Variants in SESN1 observed in about 807,000 individuals in gnomAD.
SESN1 encodes sestrin-1.
Under a neutral mutation model 59.3 loss-of-function variants are expected in SESN1, and 30 were observed. That is an observed-to-expected ratio of 0.51 (90% CI 0.38 to 0.69). SESN1 has a LOEUF of 0.69. Among genes scored for constraint, SESN1 ranks in the 30% least tolerant of loss-of-function variants. The pLI is 0.00. For synonymous variants in SESN1, 197 were observed against 219.9 expected (o/e 0.90, Z 0.92); for missense variants, 566 against 673.0 (o/e 0.84, Z 1.76).
intron 1 of SESN1, among the ~76,000 whole-genome samples, chr6:109,005,409 A>G (rs1274191867): frequency 1.3e-5 from 2 of 152,232 alleles, no homozygotes; most frequent in Non-Finnish European, 2.9e-5. Context: ...TCTTACAAAT[A>G]CATTAGCATC....
At chr6:109,052,026 GGCTTATTA>G (rs1780550088) in intron 1 of SESN1, among the ~76,000 whole-genome samples, 1 of 152,092 alleles carries the variant, frequency 6.6e-6, no homozygotes, top group South Asian at 2.1e-4. Flanking sequence ...AGACAACAAT[GGCTTATTA>G]GCTTGGTGCA....
chr6:109,046,857 G>C (rs1166726150), intron 1 of SESN1, among the ~76,000 whole-genome samples: 2 of 130,224 alleles, frequency 1.5e-5, no homozygotes, highest in African/African-American at 2.8e-5. Flanking sequence ...CAACCACCCC[G>C]TATGAGAAGT....
intron 1 of SESN1, among the ~76,000 whole-genome samples, chr6:109,003,444 A>C (rs964689286): frequency 6.6e-6 from 1 of 152,168 alleles, no homozygotes; most frequent in Non-Finnish European, 1.5e-5. Context: ...AGCAAATGAA[A>C]GTCTTTAAAG....
intron 5 of SESN1, among the ~76,000 whole-genome samples, chr6:108,997,647 C>G (rs889144452): frequency 9.2e-5 from 14 of 152,154 alleles, no homozygotes; most frequent in African/African-American, 3.1e-4. Context: ...TACAAAAGAA[C>G]TGAGATTCAG....
chr6:109,036,995 G>A (rs114837198), intron 1 of SESN1, among the ~76,000 whole-genome samples: 1 of 152,252 alleles, frequency 6.6e-6, no homozygotes, highest in African/African-American at 2.4e-5. Context: ...GAAACTTACC[G>A]ATCAAGGTCC....
chr6:109,025,369 C>T (rs1427370332), intron 1 of SESN1, among the ~76,000 whole-genome samples: 2 of 151,244 alleles, frequency 1.3e-5, no homozygotes, highest in East Asian at 3.9e-4. Context: ...CCCCAGGTTC[C>T]AGTTAGAAAT....
intron 1 of SESN1, 28 bp downstream of exon 1, chr6:109,093,767 T>C (rs775354080): frequency 5.0e-6 from 8 of 1,601,598 alleles, no homozygotes; most frequent in Middle Eastern, 1.7e-4. Context: ...AGTAGAGACA[T>C]AGTTGTATTT....
chr6:108,996,090 T>C (rs965266513), intron 5 of SESN1, among the ~76,000 whole-genome samples: 3 of 152,202 alleles, frequency 2.0e-5, no homozygotes, highest in African/African-American at 2.4e-5. Context: ...CAAACCTTCA[T>C]AAAGGTAGGA....
intron 1 of SESN1, among the ~76,000 whole-genome samples, chr6:109,046,754 G>T (rs1780448098): frequency 7.3e-6 from 1 of 137,248 alleles, no homozygotes; most frequent in African/African-American, 2.7e-5. Flanking sequence ...GGGTTGTGAG[G>T]AGTGCCTCTG....
intron 1 of SESN1, among the ~76,000 whole-genome samples, chr6:109,023,772 T>C (rs76201299): frequency 6.6e-6 from 1 of 152,138 alleles, no homozygotes; most frequent in Non-Finnish European, 1.5e-5. Context: ...CCATTTGGCA[T>C]AAACAAAATG....
chr6:109,079,045 T>G (rs753334280), intron 1 of SESN1, among the ~76,000 whole-genome samples: 1 of 152,048 alleles, frequency 6.6e-6, no homozygotes, highest in African/African-American at 2.4e-5. Context: ...TAGACTGGAA[T>G]TGGATATTTC....
chr6:108,987,577 A>G lies in SESN1; in HGVS notation c.1623T>C (p.Tyr541=), dbSNP rs369898423. The G allele has an allele frequency of 1.2e-5, 19 of 1,606,356 alleles. No individual in the cohort carries two copies. The highest frequency in any genetic ancestry group is 1.5e-5 in the Non-Finnish European group (18 of 1,173,610). Residue 541 remains tyrosine (Y), a synonymous_variant, in exon 10 of 10, where the codon TAT becomes TAC. Coordinates refer to ENST00000436639, the MANE Select transcript of SESN1 (RefSeq NM_014454.3). Reference sequence around the variant, plus strand: ...TATAGCGGGTAATGGCTCTCAGAGCATAAAGGAGTTCTGCTTGCATCCTAG... The same window carrying G: ...TATAGCGGGTAATGGCTCTCAGAGCGTAAAGGAGTTCTGCTTGCATCCTAG... The part of the protein sequence containing the change: ...IEARMQAELL[Y]ALRAITRYMT
At chr6:109,034,525 T>C (rs1190676277) in intron 1 of SESN1, among the ~76,000 whole-genome samples, 1 of 152,196 alleles carries the variant, frequency 6.6e-6, no homozygotes, top group Non-Finnish European at 1.5e-5. Context: ...GTAGTTTCCC[T>C]AGCATCTATT....
intron 1 of SESN1, among the ~76,000 whole-genome samples, chr6:109,025,579 T>C (rs1448058455): frequency 6.7e-6 from 1 of 150,066 alleles, no homozygotes; most frequent in Non-Finnish European, 1.5e-5. Flanking sequence ...CAGTTCAATA[T>C]GCTTTTTAAA....
At chr6:109,008,187 G>C (rs536046518) in intron 1 of SESN1, among the ~76,000 whole-genome samples, 38 of 152,238 alleles carry the variant, frequency 2.5e-4, no homozygotes, top group African/African-American at 9.1e-4. Flanking sequence ...ATCTGAGCAA[G>C]AACCAGGACT....
chr6:109,037,384 C>G (rs1780266101), intron 1 of SESN1, among the ~76,000 whole-genome samples: 1 of 152,168 alleles, frequency 6.6e-6, no homozygotes, highest in Non-Finnish European at 1.5e-5. Context: ...AACCATAACA[C>G]TCCACTAATT....
chr6:109,000,671 A>G lies in SESN1; in HGVS notation c.549T>C (p.Ala183=). The G allele has an allele frequency of 6.4e-7, 1 of 1,569,188 alleles. No homozygotes were observed. Among genetic ancestry groups the G allele is most frequent in the Non-Finnish European group, 8.6e-7 (1 of 1,157,998 alleles). Reference sequence around the variant, plus strand: ...AGTAGGAGCACTGATGTCTTGCCGCAGCCTTAAAACAAAAAGATTATTCTA... The same window carrying G: ...AGTAGGAGCACTGATGTCTTGCCGCGGCCTTAAAACAAAAAGATTATTCTA... ...LHYRHYIGIM[A]AARHQCSYLV... Residue 183 remains alanine (A), a splice_region_variant and synonymous_variant, in exon 4 of 10, where the codon GCT becomes GCC. Transcript: ENST00000436639.
intron 1 of SESN1, chr6:109,090,779 T>C (rs1198120208): frequency 1.3e-5 from 2 of 152,212 alleles, no homozygotes; most frequent in Admixed American, 1.3e-4. Flanking sequence ...TGTTTGTTTG[T>C]TTGTTTGAAA....
intron 1 of SESN1, among the ~76,000 whole-genome samples, chr6:109,039,140 AGAG>A (rs751177780): frequency 6.5e-5 from 9 of 138,024 alleles, no homozygotes; most frequent in South Asian, 2.6e-4. Flanking sequence ...GAAAGAAAGA[AGAG>A]GAGAAGGAAG....
Sources: allele counts gnomAD v4.1 joint callset (sites outside exome capture counted in the v4.1 genomes callset), GRCh38; gene constraint gnomAD v4.1.1; transcripts MANE v1.5; gene names NCBI Gene and HGNC (gene_info 2026-07-23, HGNC 2026-07-21).